Variants in GAK observed in about 807,000 individuals in gnomAD.
The protein encoded by GAK is cyclin-G-associated kinase.
A neutral mutation model predicts 143.9 loss-of-function variants in GAK; 79 were observed. The ratio of observed to expected loss-of-function variants is 0.55; its 90% CI spans 0.46 to 0.66. The LOEUF (loss-of-function observed/expected upper bound fraction) is 0.66, where lower values mean the gene tolerates loss of function less well. Among genes scored for constraint, GAK ranks in the 30% least tolerant of loss-of-function variants. The pLI is 0.00. For missense variants in GAK, 1,693 were observed against 1,779.7 expected, an observed-to-expected ratio of 0.95 and a Z score of 0.88; for synonymous variants, 881 against 765.5, an observed-to-expected ratio of 1.15 and a Z score of -2.49.
At chr4:898,299 C>T in intron 5 of GAK, 141 bp from the exon 6 acceptor site, 1 of 873,074 alleles carries the variant, frequency 1.1e-6, no homozygotes, top group Non-Finnish European at 1.8e-6. Flanking sequence ...GTGCCTGCAG[C>T]ACCTCACACC....
chr4:898,210 A>C (rs1458021913), intron 5 of GAK, 52 bp from the exon 6 acceptor site: 2 of 1,603,432 alleles, frequency 1.2e-6, no homozygotes, highest in Non-Finnish European at 1.7e-6. Flanking sequence ...CAGAGATGGG[A>C]CTTCAGGGAA....
chr4:865,678 T>A (rs1253866101), intron 22 of GAK, among the ~76,000 whole-genome samples: 1 of 152,150 alleles, frequency 6.6e-6, no homozygotes, highest in African/African-American at 2.4e-5. Context: ...GCAGCACACC[T>A]CTGGCGGCAC....
At chr4:926,041 G>A (rs907033404) in intron 1 of GAK, among the ~76,000 whole-genome samples, 6 of 151,878 alleles carry the variant, frequency 4.0e-5, no homozygotes, top group Non-Finnish European at 5.9e-5. Flanking sequence ...CTCCCCGAAC[G>A]TCTAATTCAC....
intron 2 of GAK, 90 bp downstream of exon 2, chr4:913,517 G>A (rs558545507): frequency 1.1e-5 from 11 of 992,826 alleles, no homozygotes; most frequent in Admixed American, 7.0e-5. Flanking sequence ...AACAAAGTAC[G>A]TAACAGGGAC....
rs775924343 is a variant in GAK, at chr4:932,123, C to T, written c.65G>A (p.Gly22Asp). 9 of 1,591,422 alleles carry T rather than the reference C, an allele frequency of 5.7e-6. No individual in the cohort carries two copies. The South Asian group carries it at 1.0e-4, about 18-fold the overall frequency. The change falls in exon 1 of 28, where the codon GGC becomes GAC. Residue 22 changes from glycine (G) to aspartate (D), a missense_variant. Physicochemically the swap from Gly to Asp is moderately conservative, Grantham distance 94. Coordinates refer to ENST00000314167, the MANE Select transcript of GAK (RefSeq NM_005255.4). This position sits in a 1 kb window ranked among gnomAD's most constrained non-coding sequence, Gnocchi z 4.0. ...CCCCACGAAGTCACTCTGGTCGCGG[C>T]CGGAAGCACCGCCCAGGGAGCCTGG... Reference protein sequence around the residue: ...AGPGSLGGASGRDQSDFVGQT... With the variant: ...AGPGSLGGASDRDQSDFVGQT...
intron 12 of GAK, among the ~76,000 whole-genome samples, chr4:883,744 G>C (rs1306093361): frequency 2.6e-5 from 4 of 152,252 alleles, no homozygotes; most frequent in African/African-American, 9.6e-5. Context: ...GAGTGACTGG[G>C]ATGCCTGGTG....
rs150807728 is a variant in GAK at position 917,872 on chromosome 4, C to T, written c.146-4204G>A. 5.8e-4 allele frequency among the ~76,000 whole-genome samples: 88 copies of T among 152,170 alleles called. 1 individual carries two copies. In the East Asian group the frequency reaches 0.016, roughly 28 times the overall value. On this transcript the variant is annotated intron_variant, in intron 1 of 27. Coordinates refer to ENST00000314167, the MANE Select transcript of GAK (RefSeq NM_005255.4). Reference sequence around the variant, plus strand: ...AGATGAAAGGAAGTAAATGGAAATCCATGAAATAGAAAATAGAAAACAGAT... The same window carrying T: ...AGATGAAAGGAAGTAAATGGAAATCTATGAAATAGAAAATAGAAAACAGAT...
chr4:880,584 G>C (rs1350471196), intron 15 of GAK, among the ~76,000 whole-genome samples: 1 of 152,168 alleles, frequency 6.6e-6, no homozygotes, highest in Admixed American at 6.5e-5. Context: ...AACCCTGAAG[G>C]CTTCACTCGC....
intron 15 of GAK, among the ~76,000 whole-genome samples, chr4:880,335 G>A (rs1393528933): frequency 1.3e-5 from 2 of 152,082 alleles, no homozygotes; most frequent in Admixed American, 1.3e-4. Context: ...CCACTGGACC[G>A]TGCACTCTGC....
intron 3 of GAK, chr4:912,472 A>G: frequency 2.3e-6 from 1 of 434,400 alleles, no homozygotes; most frequent in Non-Finnish European, 4.3e-6. Context: ...TCCACTGGGC[A>G]GGGAGACCTC....
At chr4:897,181 AAAC>A (rs1376775837) in intron 6 of GAK, among the ~76,000 whole-genome samples, 1 of 152,222 alleles carries the variant, frequency 6.6e-6, no homozygotes, top group Non-Finnish European at 1.5e-5. Context: ...GCAGACACAC[AAAC>A]CCCATCCTCA....
chr4:849,684 GC>G lies in GAK; in HGVS notation c.3924del (p.Leu1310SerfsTer55). ...CCACCACTGCGGCCTCAGAAGAGGG[GC>G]CGGGAGCCCTGGTTCTCAAACTCCG... ...AWSEFENQGS[R>X]PLF On this transcript the variant is annotated frameshift_variant, in exon 28 of 28. Coordinates refer to ENST00000314167, the MANE Select transcript of GAK (RefSeq NM_005255.4). LOFTEE classifies it high-confidence loss of function. 6.2e-7 allele frequency: 1 copy of G among 1,612,282 alleles called. No homozygotes were observed. The highest frequency in any genetic ancestry group is 1.3e-5 in the African/African-American group (1 of 75,020).
intron 1 of GAK, among the ~76,000 whole-genome samples, chr4:914,474 C>A (rs1722684446): frequency 9.4e-6 from 1 of 106,486 alleles, no homozygotes; most frequent in African/African-American, 3.8e-5. Flanking sequence ...GTGCACGGCC[C>A]CACACACACA....
intron 15 of GAK, among the ~76,000 whole-genome samples, chr4:878,796 C>T (rs1486570359): frequency 1.3e-5 from 2 of 152,172 alleles, no homozygotes; most frequent in Non-Finnish European, 2.9e-5. Flanking sequence ...GGAGCATAAA[C>T]CCCCCAGAGT....
At position 872,868 on chromosome 4, in the gene GAK, C is replaced by G. The variant is rs188270599; in HGVS notation, c.2055-1964G>C. 1.5e-3 allele frequency: 231 copies of G among 156,366 alleles called. 1 individual carries two copies. The highest frequency in any genetic ancestry group is 1.5e-3 in the Admixed American group (23 of 15,318). 9.7% of individuals were successfully genotyped at this position (156,366 alleles called of 1,614,324 possible). On this transcript the variant is annotated intron_variant, in intron 18 of 27. Transcript: ENST00000314167. ...TAGCTCCAACAGGGCAGAGCGGACT[C>G]CTGACAGGCTCAGCTGTTACATCTG...
At chr4:928,292 G>A (rs967918975) in intron 1 of GAK, among the ~76,000 whole-genome samples, 17 of 152,138 alleles carry the variant, frequency 1.1e-4, no homozygotes, top group East Asian at 3.9e-4. Flanking sequence ...TCCTGACTTC[G>A]GGTGATCTGC....
At chr4:854,083 C>T (rs183822776) in intron 24 of GAK, among the ~76,000 whole-genome samples, 2,303 of 152,004 alleles carry the variant, frequency 0.015, 26 homozygotes, top group Non-Finnish European at 0.025. Context: ...CAGGCATGAG[C>T]CACCATGCCC....
chr4:903,149 G>A (rs1215282762), intron 5 of GAK, among the ~76,000 whole-genome samples: 6 of 152,188 alleles, frequency 3.9e-5, no homozygotes, highest in Non-Finnish European at 5.9e-5. Flanking sequence ...CACCTGTGTG[G>A]CGGTGTGGTG....
At chr4:871,204 C>A (rs549476265) in intron 18 of GAK, among the ~76,000 whole-genome samples, 1 of 152,236 alleles carries the variant, frequency 6.6e-6, no homozygotes, top group Admixed American at 6.5e-5. Context: ...GGCAGAGGGG[C>A]ACCGGGCGGG....
Sources: gnomAD v4.1 joint callset for allele counts (sites outside exome capture counted in the v4.1 genomes callset) on GRCh38, gnomAD v4.1.1 for gene constraint, Gnocchi (gnomAD v3.1) non-coding constraint, MANE v1.5 for transcripts, NCBI Gene and HGNC (gene_info 2026-07-23, HGNC 2026-07-21) for gene names.